TBC1D32: variants seen among roughly 807,000 people sequenced by gnomAD.
The protein encoded by TBC1D32 is protein broad-minded.
TBC1D32 carries 151 observed loss-of-function variants against 170.3 expected under a neutral mutation model. The observed-to-expected ratio is 0.89, with a 90% CI of 0.78 to 1.01. TBC1D32 has a LOEUF of 1.01. TBC1D32 is among the 50% of genes least tolerant of loss of function. The pLI is 0.00. For synonymous variants in TBC1D32, 498 were observed against 488.0 expected, an observed-to-expected ratio of 1.02 and a Z score of -0.27; for missense variants, 1,464 against 1,457.1, an observed-to-expected ratio of 1.00 and a Z score of -0.08.
chr6:121,220,219 C>G (rs919049608), intron 21 of TBC1D32, among the ~76,000 whole-genome samples: 1 of 152,142 alleles, frequency 6.6e-6, no homozygotes, highest in African/African-American at 2.4e-5. Flanking sequence ...AAAAGCTGGG[C>G]CTCTTGTGCC....
chr6:121,334,015 G>T (rs1414461158), intron 1 of TBC1D32, among the ~76,000 whole-genome samples: 1 of 152,116 alleles, frequency 6.6e-6, no homozygotes, highest in African/African-American at 2.4e-5. Flanking sequence ...TGTAGTGAGC[G>T]GAGATCGAGC....
At chr6:121,185,313 G>A (rs1022076013) in intron 22 of TBC1D32, among the ~76,000 whole-genome samples, 2 of 140,838 alleles carry the variant, frequency 1.4e-5, no homozygotes, top group East Asian at 2.3e-4. Flanking sequence ...AGAGGTATAC[G>A]TTGTGAATGT....
intron 15 of TBC1D32, among the ~76,000 whole-genome samples, chr6:121,275,122 G>A (rs1802042071): frequency 6.6e-6 from 1 of 152,190 alleles, no homozygotes; most frequent in African/African-American, 2.4e-5. Context: ...TGCACCGATG[G>A]AGAATGAAGG....
Position 121,281,632 on chromosome 6 carries a change from T to G in TBC1D32, c.1520A>C (p.Gln507Pro), listed in dbSNP as rs755906263. Residue 507 changes from glutamine (Q) to proline (P), a missense_variant, in exon 14 of 32, where the codon CAA (glutamine) becomes CCA (proline). Physicochemically the swap from Gln to Pro is moderately conservative, Grantham distance 76. This residue lies in a region of TBC1D32 where 1,363 missense variants were observed against 1,338.1 expected (regional missense o/e 1.02). Transcript: ENST00000398212. Reference sequence around the variant, plus strand: ...TAAGCATTCCACTGCACATTCTTTTTGATCACTGAGTATCCACAGAACTTC... The same window carrying G: ...TAAGCATTCCACTGCACATTCTTTTGGATCACTGAGTATCCACAGAACTTC... ...VTEVLWILSD[Q>P]KECAVECLYN... is the part of the protein sequence containing the mutation. 1.9e-6 allele frequency: 3 copies of G among 1,607,122 alleles called. No individual in the cohort carries two copies. In the African/African-American group the frequency reaches 4.0e-5, roughly 22 times the overall value.
chr6:121,268,862 T>C (rs1013845229), intron 15 of TBC1D32, among the ~76,000 whole-genome samples: 1 of 152,060 alleles, frequency 6.6e-6, no homozygotes, highest in Non-Finnish European at 1.5e-5. Context: ...CAGCCAGAGA[T>C]AAAGGTCGGG....
At chr6:121,228,931 T>A (rs950186692) in intron 20 of TBC1D32, among the ~76,000 whole-genome samples, 2 of 152,288 alleles carry the variant, frequency 1.3e-5, no homozygotes, top group East Asian at 3.9e-4. Context: ...ATCATACTGA[T>A]TTATGATTAT....
At chr6:121,094,490 T>A (rs1415032204) in intron 30 of TBC1D32, among the ~76,000 whole-genome samples, 1 of 152,128 alleles carries the variant, frequency 6.6e-6, no homozygotes, top group East Asian at 1.9e-4. Context: ...TATAAAGTTC[T>A]GCAAATCAAC....
Position 121,303,703 on chromosome 6 carries a change from TTTGA to T in TBC1D32, c.990_993del (p.Asn330LysfsTer18). The T allele has an allele frequency of 6.3e-7, 1 of 1,596,548 alleles. No homozygotes were observed. Among genetic ancestry groups the T allele is most frequent in the South Asian group, 1.1e-5 (1 of 88,306 alleles). Reference sequence around the variant, plus strand: ...AAAATCTTTTGTGAGACAACATGGCTTTGATTATGTTTAACTGTTAACAAGGACA... The same window carrying T: ...AAAATCTTTTGTGAGACAACATGGCTTTATGTTTAACTGTTAACAAGGACA... On this transcript the variant is annotated frameshift_variant, in exon 9 of 32. Transcript: ENST00000398212. LOFTEE classifies it high-confidence loss of function.
At chr6:121,209,574 G>A (rs1031508153) in intron 21 of TBC1D32, among the ~76,000 whole-genome samples, 1 of 152,084 alleles carries the variant, frequency 6.6e-6, no homozygotes, top group Admixed American at 6.5e-5. Context: ...GGTATTATGT[G>A]GTATTTGTCC....
chr6:121,301,042 G>A (rs145228535), intron 9 of TBC1D32, among the ~76,000 whole-genome samples: 9,819 of 152,090 alleles, frequency 0.065, 646 homozygotes, highest in African/African-American at 0.17. Flanking sequence ...AGGAAACAAC[G>A]GATGCTGGAG....
chr6:121,131,516 G>A (rs190475970), intron 25 of TBC1D32, 111 bp downstream of exon 25: 1 of 1,162,904 alleles, frequency 8.6e-7, no homozygotes, highest in Admixed American at 2.7e-5. Context: ...CAAACTTCTG[G>A]ATTTAGCATT....
intron 24 of TBC1D32, among the ~76,000 whole-genome samples, chr6:121,138,823 C>T (rs181423721): frequency 2.0e-5 from 3 of 151,828 alleles, no homozygotes; most frequent in South Asian, 4.2e-4. Flanking sequence ...TTATATTACA[C>T]TTCATATAGT....
At chr6:121,300,006 TCTCCTTGGAG>T (rs1806225400) in intron 9 of TBC1D32, among the ~76,000 whole-genome samples, 1 of 152,082 alleles carries the variant, frequency 6.6e-6, no homozygotes, top group African/African-American at 2.4e-5. Context: ...GCTTTAAATC[TCTCCTTGGAG>T]CAAAATATAG....
chr6:121,288,492 G>A (rs1296030407), intron 12 of TBC1D32, among the ~76,000 whole-genome samples: 1 of 152,184 alleles, frequency 6.6e-6, no homozygotes, highest in African/African-American at 2.4e-5. Flanking sequence ...AACAGGCTCT[G>A]AAATTCAGGC....
intron 20 of TBC1D32, among the ~76,000 whole-genome samples, chr6:121,231,606 T>C (rs1440828369): frequency 6.6e-6 from 1 of 152,160 alleles, no homozygotes; most frequent in African/African-American, 2.4e-5. Flanking sequence ...TTTTTGATTA[T>C]GGCCATTCTT....
At chr6:121,292,515 G>A (rs1424262422) in intron 11 of TBC1D32, among the ~76,000 whole-genome samples, 1 of 152,114 alleles carries the variant, frequency 6.6e-6, no homozygotes, top group East Asian at 1.9e-4. Context: ...GCAGAAGAAA[G>A]TTAATAGAAA....
At chr6:121,179,906 G>A (rs904532646) in intron 22 of TBC1D32, among the ~76,000 whole-genome samples, 7 of 152,000 alleles carry the variant, frequency 4.6e-5, no homozygotes, top group African/African-American at 1.4e-4. Context: ...AGAGGTTAAG[G>A]ACCTTCCCTA....
At chr6:121,233,720 G>A (rs1796016706) in intron 20 of TBC1D32, among the ~76,000 whole-genome samples, 2 of 152,218 alleles carry the variant, frequency 1.3e-5, no homozygotes, top group South Asian at 4.2e-4. Flanking sequence ...CGATAGTATT[G>A]AGACGTGAGG....
At chr6:121,309,600 TA>T (rs527515173) in intron 4 of TBC1D32, among the ~76,000 whole-genome samples, 13 of 149,828 alleles carry the variant, frequency 8.7e-5, no homozygotes, top group East Asian at 1.9e-4. Context: ...AGGCTTAGGT[TA>T]AAAAAAAAAT....
Sources: allele counts gnomAD v4.1 joint callset (sites outside exome capture counted in the v4.1 genomes callset), GRCh38; gene constraint gnomAD v4.1.1; regional missense constraint gnomAD v4.1.1; transcripts MANE v1.5; gene names NCBI Gene and HGNC (gene_info 2026-07-23, HGNC 2026-07-21).